Variants in UBE3C observed in about 807,000 individuals in gnomAD.
UBE3C encodes ubiquitin protein ligase E3C, also known as ubiquitin-protein ligase E3C.
UBE3C carries 42 observed loss-of-function variants against 129.4 expected under a neutral mutation model. The observed-to-expected ratio is 0.32, with a 90% confidence interval of 0.25 to 0.42. The LOEUF (loss-of-function observed/expected upper bound fraction) is 0.42, where lower values mean the gene tolerates loss of function less well. UBE3C is among the 10% of genes least tolerant of loss of function. The pLI, the probability that UBE3C is intolerant of heterozygous loss-of-function variation, is 1.00. For missense variants in UBE3C, 1,049 were observed against 1,319.1 expected (o/e 0.80, Z 3.17); for synonymous variants, 510 against 492.4 (o/e 1.04, Z -0.47).
intron 5 of UBE3C, among the ~76,000 whole-genome samples, chr7:157,177,788 C>T (rs1186942909): frequency 6.6e-6 from 1 of 152,156 alleles, no homozygotes; most frequent in Non-Finnish European, 1.5e-5. Flanking sequence ...CGTGTAGACA[C>T]ACCCCACCCA....
intron 11 of UBE3C, among the ~76,000 whole-genome samples, chr7:157,206,899 A>G (rs1253307318): frequency 6.6e-6 from 1 of 152,186 alleles, no homozygotes; most frequent in Non-Finnish European, 1.5e-5. Context: ...AGAACTGGAA[A>G]CTTTGTTTCT....
chr7:157,239,453 G>C (rs1002020054), intron 18 of UBE3C, among the ~76,000 whole-genome samples: 3 of 152,192 alleles, frequency 2.0e-5, no homozygotes, highest in Non-Finnish European at 4.4e-5. Flanking sequence ...ACTGGAAGGG[G>C]GTGCAGGGGG....
intron 10 of UBE3C, among the ~76,000 whole-genome samples, chr7:157,196,935 C>T (rs113196914): frequency 6.3e-4 from 96 of 152,286 alleles, no homozygotes; most frequent in African/African-American, 2.3e-3. Context: ...CGCCATTGCA[C>T]TCCAGGCTGG....
At chr7:157,192,539 C>T (rs1808998252) in intron 10 of UBE3C, 1 of 763,972 alleles carries the variant, frequency 1.3e-6, no homozygotes, top group Non-Finnish European at 2.4e-6. Flanking sequence ...TACTGTCTGA[C>T]TACAACATTC....
chr7:157,223,177 CTT>C, intron 15 of UBE3C, 75 bp from the exon 16 acceptor site: 1 of 1,439,400 alleles, frequency 6.9e-7, no homozygotes, highest in Non-Finnish European at 9.8e-7. Flanking sequence ...TTTCAAGAAT[CTT>C]CACCTTAAGA....
intron 13 of UBE3C, among the ~76,000 whole-genome samples, chr7:157,215,647 C>T (rs576762183): frequency 1.5e-4 from 23 of 150,986 alleles, no homozygotes; most frequent in African/African-American, 5.6e-4. Context: ...TGGTGATTTC[C>T]GTTGTCTTTA....
chr7:157,253,696 A>G (rs964267062), intron 19 of UBE3C, among the ~76,000 whole-genome samples: 2 of 152,190 alleles, frequency 1.3e-5, no homozygotes, highest in African/African-American at 4.8e-5. Context: ...TTGCTGCACA[A>G]TTCCCTAGTG....
chr7:157,229,503 G>C (rs563888032), intron 17 of UBE3C, among the ~76,000 whole-genome samples: 1 of 152,224 alleles, frequency 6.6e-6, no homozygotes, highest in South Asian at 2.1e-4. Flanking sequence ...ATTTAGTAGA[G>C]ACGGGGTTTC....
intron 1 of UBE3C, among the ~76,000 whole-genome samples, chr7:157,146,388 C>A (rs1328728215): frequency 6.8e-6 from 1 of 147,616 alleles, no homozygotes; most frequent in Non-Finnish European, 1.5e-5. Context: ...TGCACCACCA[C>A]ACCTGGCTAC....
intron 11 of UBE3C, among the ~76,000 whole-genome samples, chr7:157,206,355 C>T (rs565026064): frequency 8.6e-5 from 13 of 151,254 alleles, no homozygotes; most frequent in South Asian, 4.2e-4. Flanking sequence ...CTCCGCTGCT[C>T]GGGTTCAAGT....
At chr7:157,240,312 C>T (rs1796277404) in intron 18 of UBE3C, among the ~76,000 whole-genome samples, 1 of 152,182 alleles carries the variant, frequency 6.6e-6, no homozygotes, top group Non-Finnish European at 1.5e-5. Flanking sequence ...ACCTCAGCCT[C>T]CCAAAGTGCT....
intron 10 of UBE3C, chr7:157,197,505 ATTTGT>A (rs1161467013): frequency 2.5e-6 from 2 of 798,878 alleles, no homozygotes; most frequent in Admixed American, 3.5e-5. Flanking sequence ...AATAAAAATA[ATTTGT>A]TTTTTTTTTT....
At chr7:157,172,095 C>T (rs964711849) in intron 4 of UBE3C, among the ~76,000 whole-genome samples, 1 of 150,590 alleles carries the variant, frequency 6.6e-6, no homozygotes, top group Non-Finnish European at 1.5e-5. Flanking sequence ...TGTAGTGGTG[C>T]GATCTCAGCT....
chr7:157,191,287 C>T (rs1433083555), intron 10 of UBE3C, among the ~76,000 whole-genome samples: 1 of 152,080 alleles, frequency 6.6e-6, no homozygotes, highest in Non-Finnish European at 1.5e-5. Flanking sequence ...TTGGTTTTGT[C>T]TTTATTTTTG....
chr7:157,141,694 C>T (rs1454207925), intron 1 of UBE3C, among the ~76,000 whole-genome samples: 2 of 152,198 alleles, frequency 1.3e-5, no homozygotes, highest in African/African-American at 4.8e-5. Flanking sequence ...TGTAGCCCCA[C>T]AAAGGTGACT....
intron 1 of UBE3C, among the ~76,000 whole-genome samples, chr7:157,149,250 T>A (rs1315351985): frequency 1.3e-5 from 2 of 152,082 alleles, no homozygotes; most frequent in Non-Finnish European, 2.9e-5. Flanking sequence ...AGAGATGGGT[T>A]TCACCATCTT....
chr7:157,240,522 C>T (rs1236147138), intron 18 of UBE3C, among the ~76,000 whole-genome samples: 6 of 152,202 alleles, frequency 3.9e-5, no homozygotes, highest in Non-Finnish European at 7.3e-5. Context: ...ACTTTTTCTA[C>T]ACCCGTAAAC....
At position 157,168,053 on chromosome 7, in the gene UBE3C, C is replaced by G. The variant is rs571257116; in HGVS notation, c.121-995C>G. ...GCTTGTATTCCTTTAATATTTAAAACTTTAAAAAGTCCTGCTAGCCGGGCA... is the reference window on the plus strand; with the variant it reads ...GCTTGTATTCCTTTAATATTTAAAAGTTTAAAAAGTCCTGCTAGCCGGGCA... On this transcript the variant is annotated intron_variant, in intron 2 of 22. Transcript: ENST00000348165. 2.0e-5 allele frequency among the ~76,000 whole-genome samples: 3 copies of G among 151,920 alleles called. No homozygotes were observed. In the South Asian group the frequency reaches 6.2e-4, roughly 32 times the overall value.
At chr7:157,262,373 G>A (rs181194509) in intron 22 of UBE3C, among the ~76,000 whole-genome samples, 230 of 128,390 alleles carry the variant, frequency 1.8e-3, no homozygotes, top group African/African-American at 6.3e-3. Context: ...GACCTACAAA[G>A]ATCAGTAATA....
Sources: gnomAD v4.1 joint callset for allele counts (sites outside exome capture counted in the v4.1 genomes callset) on GRCh38, gnomAD v4.1.1 for gene constraint, MANE v1.5 for transcripts, NCBI Gene and HGNC (gene_info 2026-07-23, HGNC 2026-07-21) for gene names.